Variants in DLGAP2 observed in about 807,000 individuals in gnomAD.
The protein encoded by DLGAP2 is DLG associated protein 2.
DLGAP2 carries 26 observed loss-of-function variants against 100.3 expected under a neutral mutation model. The observed-to-expected ratio is 0.26, with a 90% CI of 0.19 to 0.36. DLGAP2 has a LOEUF of 0.36. Among genes scored for constraint, DLGAP2 ranks in the 10% least tolerant of loss-of-function variants. The pLI is 1.00. For missense variants in DLGAP2, 1,858 were observed against 1,453.2 expected (o/e 1.28, Z -4.53); for synonymous variants, 886 against 630.1 (o/e 1.41, Z -6.08).
intron 6 of DLGAP2, among the ~76,000 whole-genome samples, chr8:1,584,691 G>A (rs4876095): frequency 0.49 from 73,906 of 151,882 alleles, 18,099 homozygotes; most frequent in East Asian, 0.53. Context: ...CTGGGGATTC[G>A]AATGGCACTT....
intron 6 of DLGAP2, among the ~76,000 whole-genome samples, chr8:1,623,601 C>T (rs1428137787): frequency 6.6e-6 from 1 of 150,950 alleles, no homozygotes; most frequent in Admixed American, 6.6e-5. Context: ...GATGACCTGG[C>T]ACCAGTGTGC....
At chr8:1,266,147 T>A (rs1007110355) in intron 3 of DLGAP2, among the ~76,000 whole-genome samples, 4 of 152,216 alleles carry the variant, frequency 2.6e-5, no homozygotes, top group Non-Finnish European at 5.9e-5. Flanking sequence ...AAGGGAGGTT[T>A]CCCTGGCCCC....
intron 3 of DLGAP2, among the ~76,000 whole-genome samples, chr8:1,447,122 G>A (rs966417520): frequency 2.0e-5 from 3 of 152,156 alleles, no homozygotes; most frequent in South Asian, 2.1e-4. Flanking sequence ...AGAACTTCCA[G>A]CACTAGGTTG....
chr8:1,681,961 G>A (rs1798961268), intron 12 of DLGAP2, among the ~76,000 whole-genome samples: 1 of 140,502 alleles, frequency 7.1e-6, no homozygotes, highest in African/African-American at 3.2e-5. Flanking sequence ...GCAGTGATCT[G>A]GGACTGGGAG....
At chr8:1,001,828 T>G (rs541068746) in intron 2 of DLGAP2, among the ~76,000 whole-genome samples, 17 of 152,148 alleles carry the variant, frequency 1.1e-4, no homozygotes, top group Non-Finnish European at 2.2e-4. Context: ...ATCTTGACAC[T>G]CAGAACAGAT....
chr8:1,631,855 C>T (rs1797654983), intron 7 of DLGAP2, among the ~76,000 whole-genome samples: 1 of 152,224 alleles, frequency 6.6e-6, no homozygotes, highest in Non-Finnish European at 1.5e-5. Flanking sequence ...CGTGTTGTGT[C>T]AACAACACAA....
intron 1 of DLGAP2, among the ~76,000 whole-genome samples, chr8:878,558 G>A (rs997102596): frequency 6.6e-6 from 1 of 152,170 alleles, no homozygotes; most frequent in African/African-American, 2.4e-5. Flanking sequence ...TGTTGTTCCA[G>A]TGGTGCTATG....
At chr8:1,279,364 A>C in intron 3 of DLGAP2, among the ~76,000 whole-genome samples, 1 of 152,212 alleles carries the variant, frequency 6.6e-6, no homozygotes, top group East Asian at 1.9e-4. Context: ...ACTTTATGTA[A>C]ATATGTGGGC....
intron 3 of DLGAP2, among the ~76,000 whole-genome samples, chr8:1,361,705 G>A (rs1420337594): frequency 6.6e-6 from 1 of 152,196 alleles, no homozygotes; most frequent in Non-Finnish European, 1.5e-5. Flanking sequence ...TTCGCGCAAG[G>A]CCCTACACGG....
intron 3 of DLGAP2, among the ~76,000 whole-genome samples, chr8:1,308,349 A>G (rs1800539420): frequency 6.6e-6 from 1 of 152,210 alleles, no homozygotes; most frequent in Admixed American, 6.5e-5. Context: ...AATAGTTTGG[A>G]AAGTCACTAA....
At chr8:823,195 G>T (rs1184784610) in intron 1 of DLGAP2, among the ~76,000 whole-genome samples, 1 of 152,140 alleles carries the variant, frequency 6.6e-6, no homozygotes, top group Non-Finnish European at 1.5e-5. Context: ...TCAGAAGATG[G>T]TGTTGACTTC....
At chr8:1,516,888 A>G (rs143810452) in intron 4 of DLGAP2, among the ~76,000 whole-genome samples, 155 of 152,362 alleles carry the variant, frequency 1.0e-3, no homozygotes, top group African/African-American at 3.6e-3. Flanking sequence ...TACAGCTTCA[A>G]GAGGATGAGG....
intron 2 of DLGAP2, among the ~76,000 whole-genome samples, chr8:1,217,247 A>G (rs1004759897): frequency 1.3e-5 from 2 of 152,150 alleles, no homozygotes; most frequent in African/African-American, 4.8e-5. Context: ...TGCTTAGGAT[A>G]ATGGCCTCTA....
intron 6 of DLGAP2, among the ~76,000 whole-genome samples, chr8:1,593,809 C>G (rs1328924889): frequency 1.3e-5 from 2 of 152,198 alleles, no homozygotes; most frequent in African/African-American, 2.4e-5. Flanking sequence ...CGTAGATCCT[C>G]TCCCTCCTCA....
intron 5 of DLGAP2, among the ~76,000 whole-genome samples, chr8:1,552,210 AT>A (rs1318295057): frequency 1.3e-5 from 2 of 152,224 alleles, no homozygotes; most frequent in Non-Finnish European, 2.9e-5. Flanking sequence ...TCGTGCCGAC[AT>A]TGGGAAGCAC....
At chr8:1,647,476 G>C (rs1243234455) in intron 8 of DLGAP2, among the ~76,000 whole-genome samples, 1 of 95,068 alleles carries the variant, frequency 1.1e-5, no homozygotes, top group Non-Finnish European at 2.0e-5. Context: ...GAGACAGAGA[G>C]AGACTCTGTC....
chr8:1,554,060 G>C (rs955700323), intron 5 of DLGAP2, among the ~76,000 whole-genome samples: 4 of 152,182 alleles, frequency 2.6e-5, no homozygotes, highest in African/African-American at 9.7e-5. Context: ...GGCCAACGCA[G>C]GTGGATCACC....
At chr8:1,277,822 C>T (rs1038113562) in intron 3 of DLGAP2, among the ~76,000 whole-genome samples, 1 of 152,194 alleles carries the variant, frequency 6.6e-6, no homozygotes, top group Non-Finnish European at 1.5e-5. Context: ...AGGGGTCCAA[C>T]TCCCCACTAT....
At chr8:1,246,840 C>T (rs1267278865) in intron 2 of DLGAP2, 30 of 148,932 alleles carry the variant, frequency 2.0e-4, no homozygotes, top group African/African-American at 4.3e-4. Context: ...TGATGGCCCA[C>T]GTCGGTGGCC....
Sources: allele counts gnomAD v4.1 joint callset (sites outside exome capture counted in the v4.1 genomes callset), GRCh38; gene constraint gnomAD v4.1.1; transcripts MANE v1.5; gene names NCBI Gene and HGNC (gene_info 2026-07-23, HGNC 2026-07-21).